The following ZFP62 variants were observed in gnomAD, a reference collection of about 807,000 sequenced individuals.
ZFP62 encodes ZFP62 zinc finger protein, also known as zinc finger protein 62 homolog.
Under a neutral mutation model 56.4 loss-of-function variants are expected in ZFP62, and 44 were observed. The ratio of observed to expected loss-of-function variants is 0.78; its 90% CI spans 0.61 to 1.00. The LOEUF is 1.00. ZFP62 is among the 50% of genes least tolerant of loss of function. The pLI is 0.00. For missense variants in ZFP62, 1,030 were observed against 1,085.7 expected (o/e 0.95, Z 0.72); for synonymous variants, 421 against 388.9 (o/e 1.08, Z -0.97).
rs1202994774 is a variant in ZFP62 at position 180,847,958 on chromosome 5, T to C, written c.*834A>G. 3 of 985,374 alleles carry C rather than the reference T, an allele frequency of 3.0e-6. No individual in the cohort carries two copies. The highest frequency in any genetic ancestry group is 3.5e-5 in the African/African-American group (2 of 57,264). 61.0% of individuals were successfully genotyped at this position (985,374 alleles called of 1,614,324 possible). Reference sequence around the variant, plus strand: ...AATTCATGTTGACGGTGTGTTCCATTAGTTACTGAATGTGTCAAAATCCTC... The same window carrying C: ...AATTCATGTTGACGGTGTGTTCCATCAGTTACTGAATGTGTCAAAATCCTC... On this transcript the variant is annotated 3_prime_UTR_variant, in exon 2 of 2. Coordinates refer to ENST00000502412, the MANE Select transcript of ZFP62 (RefSeq NM_001172638.2).
the ZFP62 span, among the ~76,000 whole-genome samples, chr5:180,833,127 A>G: frequency 6.0e-3 from 915 of 152,200 alleles, 9 homozygotes; most frequent in African/African-American, 0.019. Flanking sequence ...CTATTTCTCT[A>G]TTTGGAGGTG....
the ZFP62 span, among the ~76,000 whole-genome samples, chr5:180,828,258 T>A: frequency 1.3e-5 from 2 of 152,188 alleles, no homozygotes; most frequent in Non-Finnish European, 2.9e-5. Flanking sequence ...CCTCTGGTGG[T>A]AAGGCTTCGA....
chr5:180,827,230 T>C, the ZFP62 span, among the ~76,000 whole-genome samples: 7,501 of 152,226 alleles, frequency 0.049, 567 homozygotes, highest in African/African-American at 0.16. Context: ...CTGCTCACAT[T>C]GCATTGGCCA....
At chr5:180,846,070 C>G (rs1256859983), downstream of ZFP62, among the ~76,000 whole-genome samples, 1 of 152,142 alleles carries the variant, frequency 6.6e-6, no homozygotes. Flanking sequence ...GGGGGTGGTG[C>G]CTAAACCATG....
downstream of ZFP62, among the ~76,000 whole-genome samples, chr5:180,843,050 AAAAT>A (rs1773345922): frequency 6.7e-6 from 1 of 149,450 alleles, no homozygotes; most frequent in African/African-American, 2.4e-5. Context: ...CCAAAAAAAA[AAAAT>A]AAATAAATAA....
chr5:180,860,490 C>G (rs1019185719), intron 1 of ZFP62: 30 of 152,048 alleles, frequency 2.0e-4, no homozygotes. Context: ...CAGGCTGTCC[C>G]CTGGGTCTAA....
At chr5:180,841,252 T>TACACAC in the ZFP62 span, among the ~76,000 whole-genome samples, 1 of 57,110 alleles carries the variant, frequency 1.8e-5, no homozygotes, top group African/African-American at 5.9e-5. Context: ...CATATATATA[T>TACACAC]ACACACACAC....
chr5:180,857,664 A>C (rs1385751358), intron 1 of ZFP62, among the ~76,000 whole-genome samples: 1 of 151,916 alleles, frequency 6.6e-6, no homozygotes, highest in Admixed American at 6.6e-5. Context: ...TGCTCAGCTA[A>C]TTTTTATATT....
At position 180,850,192 on chromosome 5, in the gene ZFP62, G is replaced by A. The variant is rs1297021935; in HGVS notation, c.1303C>T (p.Leu435=). 3.2e-6 allele frequency: 5 copies of A among 1,552,024 alleles called. No individual in the cohort carries two copies. The highest frequency in any genetic ancestry group is 4.4e-6 in the Non-Finnish European group (5 of 1,147,166). ...TGAATAGTTCTGTGTTGAAGAAGTAGTGAGTTATAACTAAAGGATTTCCCA... is the reference window on the plus strand; with the variant it reads ...TGAATAGTTCTGTGTTGAAGAAGTAATGAGTTATAACTAAAGGATTTCCCA... The part of the protein sequence containing the change: ...ECGKSFSYNS[L]LLQHRTIHTG... Residue 435 remains leucine (L), a synonymous_variant, in exon 2 of 2, where the codon CTA becomes TTA. Transcript: ENST00000502412.
At chr5:180,828,286 G>A in the ZFP62 span, among the ~76,000 whole-genome samples, 2 of 152,172 alleles carry the variant, frequency 1.3e-5, no homozygotes, top group East Asian at 3.9e-4. Flanking sequence ...ATGGAAGAAA[G>A]GGACACAGGG....
downstream of ZFP62, among the ~76,000 whole-genome samples, chr5:180,844,585 C>G (rs1219339442): frequency 6.6e-6 from 1 of 152,190 alleles, no homozygotes; most frequent in African/African-American, 2.4e-5. Flanking sequence ...AGTGAGCAGG[C>G]TGCCCAGGCC....
chr5:180,851,838 T>G lies in ZFP62; in HGVS notation c.2-345A>C, dbSNP rs955397045. On this transcript the variant is annotated intron_variant, in intron 1 of 1. Coordinates refer to ENST00000502412, the MANE Select transcript of ZFP62 (RefSeq NM_001172638.2). ...GTTTTTAAACAATGTCACCCAGTCA[T>G]GGAAAAACAAACAAGAGGGCAGAAG... The G allele has an allele frequency of 1.6e-5, 4 of 246,876 alleles. No homozygotes were observed. In the Admixed American group the frequency reaches 1.7e-4, roughly 10 times the overall value. The allele number at this position is 246,876 out of a possible 1,614,324, so 15.3% of individuals were successfully genotyped here.
chr5:180,834,128 G>T, the ZFP62 span, among the ~76,000 whole-genome samples: 1 of 152,200 alleles, frequency 6.6e-6, no homozygotes, highest in African/African-American at 2.4e-5. Flanking sequence ...TGATGGTAGG[G>T]CCCTCATGAG....
chr5:180,849,399 G>A lies in ZFP62; in HGVS notation c.2096C>T (p.Thr699Ile). The A allele has an allele frequency of 6.4e-7, 1 of 1,550,976 alleles. No individual in the cohort carries two copies. The highest frequency in any genetic ancestry group is 1.7e-4 in the Middle Eastern group (1 of 5,988). Reference protein sequence around the residue: ...INHKSTHPGRTPHTCDECGKA... With the variant: ...INHKSTHPGRIPHTCDECGKA... ...TCCACATTCATCACATGTATGGGGTGTCCTGCCAGGGTGGGTACTCTTATG... is the reference window on the plus strand; with the variant it reads ...TCCACATTCATCACATGTATGGGGTATCCTGCCAGGGTGGGTACTCTTATG... The change falls in exon 2 of 2, where the codon ACA becomes ATA. Residue 699 changes from threonine to isoleucine, a missense_variant. Physicochemically the swap from Thr to Ile is moderately conservative, Grantham distance 89. Coordinates refer to ENST00000502412, the MANE Select transcript of ZFP62 (RefSeq NM_001172638.2).
the ZFP62 span, among the ~76,000 whole-genome samples, chr5:180,832,504 G>A: frequency 1.5e-4 from 23 of 152,174 alleles, no homozygotes; most frequent in Admixed American, 2.6e-4. Flanking sequence ...ATTGTTTTAA[G>A]CCACCAAATT....
chr5:180,859,371 A>G (rs1024214494), intron 1 of ZFP62, among the ~76,000 whole-genome samples: 3 of 152,260 alleles, frequency 2.0e-5, no homozygotes, highest in Non-Finnish European at 4.4e-5. Flanking sequence ...GGCAAAATGT[A>G]CAAAGGAAAG....
At chr5:180,857,849 A>C (rs1428257573) in intron 1 of ZFP62, among the ~76,000 whole-genome samples, 1 of 151,414 alleles carries the variant, frequency 6.6e-6, no homozygotes, top group African/African-American at 2.4e-5. Flanking sequence ...AATGGCATGG[A>C]ATCTGGAATT....
At chr5:180,843,343 A>G (rs1467178408), downstream of ZFP62, among the ~76,000 whole-genome samples, 2 of 152,058 alleles carry the variant, frequency 1.3e-5, no homozygotes, top group African/African-American at 4.8e-5. Context: ...AGATGGAAAA[A>G]TAGAGTATGA....
downstream of ZFP62, chr5:180,846,005 G>C: frequency 2.8e-6 from 1 of 351,472 alleles, no homozygotes; most frequent in Non-Finnish European, 4.0e-6. Flanking sequence ...TCTCCTCCCC[G>C]CTTTTCCCTC....
Sources: gnomAD v4.1 joint callset for allele counts (sites outside exome capture counted in the v4.1 genomes callset) on GRCh38, gnomAD v4.1.1 for gene constraint, MANE v1.5 for transcripts, NCBI Gene and HGNC (gene_info 2026-07-23, HGNC 2026-07-21) for gene names.